MTMR3: variants seen among roughly 807,000 people sequenced by gnomAD.
The protein encoded by MTMR3 is phosphatidylinositol-3,5-bisphosphate 3-phosphatase MTMR3.
In MTMR3, 32 loss-of-function variants were observed where a neutral mutation model predicts 132.4. The observed-to-expected ratio is 0.24, with a 90% CI of 0.18 to 0.32. The LOEUF is 0.32. Among genes scored for constraint, MTMR3 ranks in the 10% least tolerant of loss-of-function variants. The probability of loss-of-function intolerance (pLI) is 1.00; values close to 1 mark genes in which losing one functional copy is unlikely to be tolerated. For missense variants in MTMR3, 1,216 were observed against 1,489.6 expected, an observed-to-expected ratio of 0.82 and a Z score of 3.02; for synonymous variants, 556 against 550.3, an observed-to-expected ratio of 1.01 and a Z score of -0.14.
At chr22:29,992,210 A>G (rs995426342) in intron 7 of MTMR3, 2 of 152,430 alleles carry the variant, frequency 1.3e-5, no homozygotes, top group Non-Finnish European at 2.9e-5. Context: ...CCTCCTGTGT[A>G]GCTGGGATTA....
chr22:29,943,201 T>C (rs2065890253), intron 1 of MTMR3, among the ~76,000 whole-genome samples: 1 of 148,140 alleles, frequency 6.8e-6, no homozygotes, highest in Non-Finnish European at 1.5e-5. Context: ...TCTTTTTTTC[T>C]TTTTTTTTTG....
chr22:29,997,666 C>T (rs1266779857), intron 7 of MTMR3: 1 of 152,138 alleles, frequency 6.6e-6, no homozygotes, highest in Non-Finnish European at 1.5e-5. Context: ...ATAATCAGCA[C>T]TTAGTAGTAT....
At chr22:29,993,253 A>G (rs2066998658) in intron 7 of MTMR3, 1 of 152,146 alleles carries the variant, frequency 6.6e-6, no homozygotes, top group African/African-American at 2.4e-5. Flanking sequence ...CGATTGTTAC[A>G]TCTATTTTTT....
chr22:29,949,530 G>A (rs1306407380), intron 1 of MTMR3, among the ~76,000 whole-genome samples: 5 of 121,676 alleles, frequency 4.1e-5, no homozygotes, highest in African/African-American at 6.7e-5. Context: ...AACAACACAC[G>A]TACACATAAA....
chr22:30,030,614 GA>G lies in MTMR3; in HGVS notation c.*4814del, dbSNP rs2067993890. On this transcript the variant is annotated 3_prime_UTR_variant, in exon 20 of 20. Transcript: ENST00000401950. ...TGAATCAGCTCAGCCTCTTAGGAGA[GA>G]GGGGCTCTCAGCGAGGAGGGGGCGG... The G allele has an allele frequency of 7.6e-6, 1 of 132,168 alleles. No homozygotes were observed. Among genetic ancestry groups the G allele is most frequent in the Non-Finnish European group, 1.6e-5 (1 of 63,042 alleles). The allele number at this position is 132,168 out of a possible 1,614,324, so 8.2% of individuals were successfully genotyped here. A position where few individuals can be genotyped will look rare whatever the true frequency, so the allele number is the denominator to read the frequency against.
intron 13 of MTMR3, 107 bp from the exon 14 acceptor site, chr22:30,013,248 CT>C (rs1398895632): frequency 3.1e-5 from 37 of 1,186,332 alleles, no homozygotes; most frequent in Non-Finnish European, 2.4e-6. Context: ...GCCGGGTGGG[CT>C]TTCTGGGAGG....
chr22:30,012,648 G>A, intron 13 of MTMR3, 85 bp downstream of exon 13: 1 of 1,367,970 alleles, frequency 7.3e-7, no homozygotes, highest in Non-Finnish European at 9.9e-7. Flanking sequence ...TGGGAGTGGT[G>A]ATTCGGTTAA....
chr22:29,998,578 AG>A (rs1263224781), intron 7 of MTMR3, 182 bp from the exon 8 acceptor site: 49 of 281,140 alleles, frequency 1.7e-4, no homozygotes, highest in African/African-American at 2.2e-4. Context: ...GGGAGGCGGA[AG>A]TTTCAGTGAG....
intron 4 of MTMR3, 47 bp downstream of exon 4, chr22:29,978,578 C>G (rs1371122074): frequency 6.9e-7 from 1 of 1,452,062 alleles, no homozygotes; most frequent in African/African-American, 1.4e-5. Context: ...TTAGCATTAA[C>G]TGTATAGCAG....
At chr22:29,895,428 A>T (rs936434881) in intron 1 of MTMR3, among the ~76,000 whole-genome samples, 1 of 152,192 alleles carries the variant, frequency 6.6e-6, no homozygotes, top group Non-Finnish European at 1.5e-5. Flanking sequence ...TTGAGATTCG[A>T]TGAACTCTTG....
intron 1 of MTMR3, among the ~76,000 whole-genome samples, chr22:29,904,601 T>C (rs1004231097): frequency 2.0e-5 from 3 of 152,252 alleles, no homozygotes; most frequent in African/African-American, 7.2e-5. Context: ...AGATAACCAA[T>C]AGTAAGCACT....
At chr22:29,946,521 T>C (rs1328749142) in intron 1 of MTMR3, among the ~76,000 whole-genome samples, 1 of 152,184 alleles carries the variant, frequency 6.6e-6, no homozygotes, top group Admixed American at 6.5e-5. Flanking sequence ...GGTTTCAGAC[T>C]GTTAATGGAT....
At chr22:29,998,643 A>C (rs2067109026) in intron 7 of MTMR3, 118 bp from the exon 8 acceptor site, 1 of 510,534 alleles carries the variant, frequency 2.0e-6, no homozygotes, top group African/African-American at 2.0e-5. Context: ...ATCCTGTCTC[A>C]AAAAATATAT....
intron 1 of MTMR3, among the ~76,000 whole-genome samples, chr22:29,910,057 G>T (rs903253236): frequency 6.6e-6 from 1 of 151,894 alleles, no homozygotes; most frequent in South Asian, 2.1e-4. Flanking sequence ...CTCGCTACTC[G>T]GGAGGCTGAG....
intron 9 of MTMR3, chr22:30,003,982 T>G (rs1454019626): frequency 6.6e-6 from 1 of 152,206 alleles, no homozygotes; most frequent in Non-Finnish European, 1.5e-5. Context: ...ATATTGAGAT[T>G]GTAGGAAGGG....
At chr22:29,991,360 A>G (rs947538154) in intron 6 of MTMR3, 144 bp from the exon 7 acceptor site, 7 of 672,440 alleles carry the variant, frequency 1.0e-5, no homozygotes, top group Non-Finnish European at 1.6e-5. Context: ...GATAATGAGC[A>G]TGCGAATGAC....
intron 1 of MTMR3, among the ~76,000 whole-genome samples, chr22:29,906,282 GTCTGTCTATCTATCTATCTATCTA>G (rs758554650): frequency 0.31 from 26,778 of 86,732 alleles, 2,991 homozygotes; most frequent in Middle Eastern, 0.45. Context: ...CTGTCTGTCT[GTCTGTCTATCTATCTATCTATCTA>G]TCTATCTATC....
intron 1 of MTMR3, among the ~76,000 whole-genome samples, chr22:29,890,348 C>T (rs1468910701): frequency 6.6e-6 from 1 of 151,956 alleles, no homozygotes; most frequent in Non-Finnish European, 1.5e-5. Context: ...AAAACCCCGT[C>T]TCTACTAAAA....
intron 1 of MTMR3, among the ~76,000 whole-genome samples, chr22:29,954,576 C>G (rs73398636): frequency 0.016 from 2,440 of 152,302 alleles, 66 homozygotes; most frequent in African/African-American, 0.056. Context: ...TCGTTTGGTC[C>G]ATCTCTTGGA....
Sources: allele counts gnomAD v4.1 joint callset (sites outside exome capture counted in the v4.1 genomes callset), GRCh38; gene constraint gnomAD v4.1.1; transcripts MANE v1.5; gene names NCBI Gene and HGNC (gene_info 2026-07-23, HGNC 2026-07-21).